Variants in ANKS1B observed in about 807,000 individuals in gnomAD.
The protein encoded by ANKS1B is ankyrin repeat and sterile alpha motif domain-containing protein 1B.
ANKS1B carries 36 observed loss-of-function variants against 148.3 expected under a neutral mutation model. That is an observed-to-expected ratio of 0.24 (90% CI 0.19 to 0.32). The LOEUF (loss-of-function observed/expected upper bound fraction) is 0.32. Ranked by LOEUF, ANKS1B falls within the 10% of genes least tolerant of loss-of-function variation. The pLI, the probability that ANKS1B is intolerant of heterozygous loss-of-function variation, is 1.00. For missense variants in ANKS1B, 1,157 were observed against 1,542.6 expected (o/e 0.75, Z 4.19); for synonymous variants, 542 against 560.8 (o/e 0.97, Z 0.47).
intron 17 of ANKS1B, among the ~76,000 whole-genome samples, chr12:99,025,518 G>T (rs1428209252): frequency 6.6e-6 from 1 of 152,300 alleles, no homozygotes; most frequent in South Asian, 2.1e-4. Flanking sequence ...TCCATGTCAG[G>T]CTGTTGCTTT....
At chr12:99,345,821 T>A (rs564724429) in intron 12 of ANKS1B, among the ~76,000 whole-genome samples, 1 of 151,972 alleles carries the variant, frequency 6.6e-6, no homozygotes, top group East Asian at 1.9e-4. Flanking sequence ...AGCCAAATGC[T>A]GTGGTTGGTA....
intron 14 of ANKS1B, among the ~76,000 whole-genome samples, chr12:99,199,598 T>C (rs990992768): frequency 6.6e-6 from 1 of 152,130 alleles, no homozygotes; most frequent in African/African-American, 2.4e-5. Flanking sequence ...GCACCTGAAA[T>C]TGGATGATGA....
intron 9 of ANKS1B, among the ~76,000 whole-genome samples, chr12:99,602,835 C>T (rs914546266): frequency 1.3e-5 from 2 of 151,980 alleles, no homozygotes; most frequent in Non-Finnish European, 2.9e-5. Context: ...CAGAATACAG[C>T]CCAGATTTCA....
At chr12:99,716,854 C>T (rs992137085) in intron 8 of ANKS1B, among the ~76,000 whole-genome samples, 11 of 151,974 alleles carry the variant, frequency 7.2e-5, no homozygotes, top group African/African-American at 1.5e-4. Context: ...CTCGCCAGGC[C>T]GAGCTAGGTC....
intron 14 of ANKS1B, among the ~76,000 whole-genome samples, chr12:99,232,788 G>A (rs1379372631): frequency 6.6e-6 from 1 of 152,110 alleles, no homozygotes; most frequent in African/African-American, 2.4e-5. Flanking sequence ...CAAAAGATAA[G>A]CAAGGTTTCC....
chr12:98,762,558 T>C (rs2098424085), intron 25 of ANKS1B, among the ~76,000 whole-genome samples: 1 of 152,212 alleles, frequency 6.6e-6, no homozygotes, highest in Non-Finnish European at 1.5e-5. Context: ...GCATTTCATC[T>C]ATTACAAAAT....
intron 17 of ANKS1B, among the ~76,000 whole-genome samples, chr12:98,887,928 A>G (rs1223669241): frequency 3.3e-5 from 5 of 152,206 alleles, no homozygotes; most frequent in Non-Finnish European, 5.9e-5. Context: ...AATAATTTTT[A>G]TTTAAAAATA....
chr12:99,159,384 C>T (rs1205949119), intron 14 of ANKS1B, among the ~76,000 whole-genome samples: 1 of 152,122 alleles, frequency 6.6e-6, no homozygotes, highest in Non-Finnish European at 1.5e-5. Flanking sequence ...CTCCATCCTT[C>T]CCTACTCCAG....
intron 11 of ANKS1B, among the ~76,000 whole-genome samples, chr12:99,429,536 C>A (rs762238162): frequency 1.3e-5 from 2 of 152,126 alleles, no homozygotes; most frequent in Non-Finnish European, 2.9e-5. Flanking sequence ...GATACTTTTA[C>A]CATAAAACAT....
At chr12:99,627,506 A>G (rs2153387945) in intron 9 of ANKS1B, among the ~76,000 whole-genome samples, 1 of 152,332 alleles carries the variant, frequency 6.6e-6, no homozygotes, top group African/African-American at 2.4e-5. Context: ...CATATTGTTA[A>G]TAAGTGATAC....
intron 25 of ANKS1B, among the ~76,000 whole-genome samples, chr12:98,772,058 G>C (rs1162828428): frequency 6.6e-6 from 1 of 152,190 alleles, no homozygotes; most frequent in Non-Finnish European, 1.5e-5. Context: ...TGGCAGTTGA[G>C]ATACTAGGTA....
intron 12 of ANKS1B, among the ~76,000 whole-genome samples, chr12:99,303,238 T>A (rs1334572130): frequency 1.3e-5 from 2 of 152,172 alleles, no homozygotes; most frequent in African/African-American, 4.8e-5. Context: ...CTTACAAATC[T>A]AAATTTATAA....
intron 1 of ANKS1B, among the ~76,000 whole-genome samples, chr12:99,884,734 T>C (rs1308742093): frequency 6.6e-6 from 1 of 152,126 alleles, no homozygotes; most frequent in East Asian, 1.9e-4. Context: ...TGCCAAGGAT[T>C]AGAGCTAGGG....
chr12:98,907,593 G>A (rs551526099), intron 17 of ANKS1B, among the ~76,000 whole-genome samples: 1 of 152,288 alleles, frequency 6.6e-6, no homozygotes, highest in East Asian at 1.9e-4. Flanking sequence ...GACATGGACG[G>A]TCATCCACCT....
At chr12:98,818,745 T>C (rs1046070485) in intron 19 of ANKS1B, among the ~76,000 whole-genome samples, 2 of 152,226 alleles carry the variant, frequency 1.3e-5, no homozygotes, top group African/African-American at 4.8e-5. Flanking sequence ...ATATACATTA[T>C]ATTCCTTTCT....
chr12:99,462,891 G>A (rs556645248), intron 10 of ANKS1B, among the ~76,000 whole-genome samples: 3 of 152,126 alleles, frequency 2.0e-5, no homozygotes, highest in African/African-American at 7.2e-5. Flanking sequence ...CTCATCATGT[G>A]ATATGCCTTC....
At chr12:98,855,930 A>T (rs1595597595) in intron 17 of ANKS1B, among the ~76,000 whole-genome samples, 1 of 152,212 alleles carries the variant, frequency 6.6e-6, no homozygotes, top group East Asian at 1.9e-4. Context: ...CTCCAAGACA[A>T]ACAGGTTGAT....
intron 9 of ANKS1B, chr12:99,650,070 T>C (rs1473466304): frequency 1.3e-5 from 2 of 152,502 alleles, no homozygotes; most frequent in Non-Finnish European, 2.9e-5. Flanking sequence ...TAATAACATA[T>C]GCTCTATTGA....
chr12:98,769,398 T>C (rs889179160), intron 25 of ANKS1B, among the ~76,000 whole-genome samples: 2 of 152,082 alleles, frequency 1.3e-5, no homozygotes, highest in Admixed American at 1.3e-4. Flanking sequence ...ATTTTGAGGT[T>C]TGACAAACTG....
Sources: allele counts gnomAD v4.1 joint callset (sites outside exome capture counted in the v4.1 genomes callset), GRCh38; gene constraint gnomAD v4.1.1; transcripts MANE v1.5; gene names NCBI Gene and HGNC (gene_info 2026-07-23, HGNC 2026-07-21).